The following STAM2 variants were observed in gnomAD, a reference collection of about 807,000 sequenced individuals.
STAM2 encodes signal transducing adapter molecule 2.
STAM2 carries 51 observed loss-of-function variants against 65.6 expected under a neutral mutation model. That is an observed-to-expected ratio of 0.78 (90% CI 0.62 to 0.98). The LOEUF (loss-of-function observed/expected upper bound fraction) is 0.98, where lower values mean the gene tolerates loss of function less well. Among genes scored for constraint, STAM2 ranks in the 50% least tolerant of loss-of-function variants. The pLI, the probability that STAM2 is intolerant of heterozygous loss-of-function variation, is 0.00. For missense variants in STAM2, 584 were observed against 617.8 expected (o/e 0.95, Z 0.58); for synonymous variants, 198 against 208.4 (o/e 0.95, Z 0.43).
chr2:152,140,500 T>A (rs888131914), intron 7 of STAM2, among the ~76,000 whole-genome samples: 3 of 152,246 alleles, frequency 2.0e-5, no homozygotes, highest in African/African-American at 7.2e-5. Context: ...GGTAGTGATG[T>A]CCTTTATGGA....
chr2:152,166,720 T>C (rs891590229), intron 1 of STAM2, among the ~76,000 whole-genome samples: 5 of 152,218 alleles, frequency 3.3e-5, no homozygotes, highest in Admixed American at 2.6e-4. Flanking sequence ...AAGGACTTAG[T>C]ACTGCTGGGG....
At chr2:152,152,286 C>T (rs900483543) in intron 1 of STAM2, among the ~76,000 whole-genome samples, 1 of 151,942 alleles carries the variant, frequency 6.6e-6, no homozygotes, top group African/African-American at 2.4e-5. Flanking sequence ...AGCGGTGGCT[C>T]ACACCTGTAA....
Position 152,143,922 on chromosome 2 carries a change from A to C in STAM2, c.609T>G (p.Val203=), listed in dbSNP as rs144960268. The change falls in exon 7 of 14, where the codon GTT becomes GTG. Residue 203 remains valine, a synonymous_variant. Coordinates refer to ENST00000263904, the MANE Select transcript of STAM2 (RefSeq NM_005843.6). ...CATATAAAGCTCTCACTTTCCGTGC[A>C]ACCTTATTATTTAACTGAATTTCTG... ...PSSEIQLNNK[V]ARKVRALYDF... is the part of the protein sequence containing the mutation. The C allele has an allele frequency of 1.2e-5, 19 of 1,613,848 alleles. No homozygotes were observed. The East Asian group carries it at 4.2e-4, about 36-fold the overall frequency.
intron 5 of STAM2, among the ~76,000 whole-genome samples, chr2:152,146,900 C>G (rs1689345180): frequency 6.6e-6 from 1 of 152,096 alleles, no homozygotes; most frequent in East Asian, 1.9e-4. Flanking sequence ...ATGTCATATA[C>G]CTATGCCTTT....
intron 1 of STAM2, among the ~76,000 whole-genome samples, chr2:152,159,110 T>TATATATATATATATACATATAC (rs575009275): frequency 2.3e-5 from 3 of 129,278 alleles, no homozygotes; most frequent in African/African-American, 9.7e-5. Flanking sequence ...TATATATATA[T>TATATATATATATATACATATAC]ACACACACAG....
intron 2 of STAM2, among the ~76,000 whole-genome samples, chr2:152,148,866 C>T (rs1689385053): frequency 1.3e-5 from 2 of 151,582 alleles, no homozygotes; most frequent in African/African-American, 2.4e-5. Context: ...ACACAAGAGA[C>T]GTATACCAGA....
chr2:152,161,508 A>C (rs1052895518), intron 1 of STAM2, among the ~76,000 whole-genome samples: 114 of 151,572 alleles, frequency 7.5e-4, no homozygotes, highest in Admixed American at 2.2e-3. Context: ...AAAAAAAAAA[A>C]AAAAAAAACA....
rs753695585 is a variant in STAM2 at position 152,147,111 on chromosome 2, A to C, written c.447+51T>G. 3 of 1,516,190 alleles carry C rather than the reference A, an allele frequency of 2.0e-6. No individual in the cohort carries two copies. The South Asian group carries it at 4.1e-5, about 21-fold the overall frequency. The allele number at this position is 1,516,190 out of a possible 1,614,324, so 93.9% of individuals were successfully genotyped here. ...CTTGCCTAGTCTTTACATAACATAC[A>C]TACCTTCAAAATATTATAGGGTCAA... On this transcript the variant is annotated intron_variant, in intron 5 of 13. Coordinates refer to ENST00000263904, the MANE Select transcript of STAM2 (RefSeq NM_005843.6).
intron 7 of STAM2, among the ~76,000 whole-genome samples, chr2:152,142,025 C>T (rs1159199893): frequency 6.6e-6 from 1 of 152,176 alleles, no homozygotes; most frequent in Admixed American, 6.5e-5. Context: ...TTCTGGATGA[C>T]TTCCTTTTAA....
chr2:152,150,027 T>G (rs1025341326), intron 2 of STAM2, 118 bp downstream of exon 2: 6 of 687,688 alleles, frequency 8.7e-6, no homozygotes, highest in Non-Finnish European at 1.5e-5. Flanking sequence ...AGTTTAAATC[T>G]GTGTTGTTCA....
rs1362623648 is a variant in STAM2, at chr2:152,120,531, T to TA, written c.*42dup. 11 of 1,564,144 alleles carry TA rather than the reference T, an allele frequency of 7.0e-6. No individual in the cohort carries two copies. Among genetic ancestry groups the TA allele is most frequent in the Non-Finnish European group, 9.7e-6 (11 of 1,137,978 alleles). ...TCAGGTTGGTATCACAAGGACTGAA[T>TA]AATACACTTATGAAGGCTTTCAAGA... On this transcript the variant is annotated 3_prime_UTR_variant, in exon 14 of 14. Transcript: ENST00000263904.
chr2:152,158,737 C>T (rs114407055), intron 1 of STAM2, among the ~76,000 whole-genome samples: 66 of 152,164 alleles, frequency 4.3e-4, no homozygotes, highest in African/African-American at 1.4e-3. Context: ...GCTGGAAAAT[C>T]GAAGATCAAA....
At chr2:152,167,814 G>A (rs900738292) in intron 1 of STAM2, among the ~76,000 whole-genome samples, 32 of 152,132 alleles carry the variant, frequency 2.1e-4, no homozygotes, top group African/African-American at 7.2e-4. Flanking sequence ...GGAGGCTGAG[G>A]TAGGAGAATT....
rs1457559164 is a variant in STAM2, at chr2:152,135,516, A to G, written c.792T>C (p.Thr264=). 8.1e-6 allele frequency: 13 copies of G among 1,605,298 alleles called. No homozygotes were observed. Among genetic ancestry groups the G allele is most frequent in the Non-Finnish European group, 1.1e-5 (13 of 1,174,548 alleles). The change falls in exon 8 of 14, where the codon ACT becomes ACC. Residue 264 remains threonine (T), a synonymous_variant. Coordinates refer to ENST00000263904, the MANE Select transcript of STAM2 (RefSeq NM_005843.6). ...GTCTAAGATTTAACTTACCTGCCTC[A>G]GTCTCTATGTTTAAATTAGTTGTTA... ...NFVTTNLNIE[T]EAAAVDKLNV... is the part of the protein sequence containing the mutation.
At chr2:152,144,503 T>C (rs1003768547) in intron 6 of STAM2, among the ~76,000 whole-genome samples, 1 of 152,206 alleles carries the variant, frequency 6.6e-6, no homozygotes, top group Non-Finnish European at 1.5e-5. Context: ...ATGCTAGTTT[T>C]ATTATCATTT....
intron 7 of STAM2, among the ~76,000 whole-genome samples, chr2:152,140,481 A>G (rs1689225548): frequency 6.6e-6 from 1 of 152,244 alleles, no homozygotes; most frequent in Non-Finnish European, 1.5e-5. Flanking sequence ...TGCAATGACA[A>G]TGACTGAAGG....
chr2:152,175,052 A>C (rs1689987955), intron 1 of STAM2, among the ~76,000 whole-genome samples: 1 of 152,218 alleles, frequency 6.6e-6, no homozygotes, highest in South Asian at 2.1e-4. Flanking sequence ...CCGGGGATGA[A>C]GAGCAACACC....
At chr2:152,165,032 C>T (rs763986887) in intron 1 of STAM2, among the ~76,000 whole-genome samples, 1 of 152,180 alleles carries the variant, frequency 6.6e-6, no homozygotes, top group Non-Finnish European at 1.5e-5. Flanking sequence ...CACACCCTTA[C>T]TCAGGAGACA....
In STAM2 at chr2:152,120,726, C is replaced by A. The variant is rs1463722152; in HGVS notation, c.1426G>T (p.Ala476Ser). ...SNLQSATGTT[A>S]YTQQMGMSVD... ...GACATCCCCATTTGCTGTGTGTAAG[C>A]AGTTGTACCAGTAGCTGACTGTAGG... The change falls in exon 14 of 14, where the codon GCT becomes TCT. Residue 476 changes from alanine (A) to serine (S), a missense_variant. Physicochemically the swap from Ala to Ser is moderately conservative, Grantham distance 99. Transcript: ENST00000263904. The A allele has an allele frequency of 6.2e-7, 1 of 1,614,118 alleles. No individual in the cohort carries two copies. The highest frequency in any genetic ancestry group is 1.7e-5 in the Admixed American group (1 of 60,016).
Sources: allele counts gnomAD v4.1 joint callset (sites outside exome capture counted in the v4.1 genomes callset), GRCh38; gene constraint gnomAD v4.1.1; transcripts MANE v1.5; gene names NCBI Gene and HGNC (gene_info 2026-07-23, HGNC 2026-07-21).